Variants in MGAT5 observed in about 807,000 individuals in gnomAD.
MGAT5 encodes alpha-1,6-mannosylglycoprotein 6-beta-N-acetylglucosaminyltransferase.
Under a neutral mutation model 94.3 loss-of-function variants are expected in MGAT5, and 30 were observed. The ratio of observed to expected loss-of-function variants is 0.32; its 90% CI spans 0.24 to 0.43. MGAT5 has a LOEUF of 0.43. Among genes scored for constraint, MGAT5 ranks in the 20% least tolerant of loss-of-function variants. The pLI, the probability that MGAT5 is intolerant of heterozygous loss-of-function variation, is 1.00. For missense variants in MGAT5, 691 were observed against 905.5 expected, an observed-to-expected ratio of 0.76 and a Z score of 3.04; for synonymous variants, 310 against 322.9, an observed-to-expected ratio of 0.96 and a Z score of 0.43.
chr2:134,147,377 A>G (rs764035417), intron 1 of MGAT5, among the ~76,000 whole-genome samples: 5 of 152,218 alleles, frequency 3.3e-5, no homozygotes, highest in Non-Finnish European at 5.9e-5. Context: ...TTAAATACTT[A>G]GAAAGTTTCA....
chr2:134,390,472 T>G (rs1682335823), intron 10 of MGAT5, among the ~76,000 whole-genome samples: 1 of 152,250 alleles, frequency 6.6e-6, no homozygotes, highest in Admixed American at 6.5e-5. Flanking sequence ...TCATTTACAT[T>G]AGGTATATCT....
At chr2:134,140,400 CAGGAGATCTGGGGACTGA>C (rs1320962048) in intron 1 of MGAT5, among the ~76,000 whole-genome samples, 1 of 152,190 alleles carries the variant, frequency 6.6e-6, no homozygotes, top group Non-Finnish European at 1.5e-5. Flanking sequence ...GCTGGCAAGT[CAGGAGATCTGGGGACTGA>C]CGCTTTCCCT....
chr2:134,446,311 A>G (rs1243436080), intron 15 of MGAT5, among the ~76,000 whole-genome samples: 1 of 151,890 alleles, frequency 6.6e-6, no homozygotes, highest in Non-Finnish European at 1.5e-5. Context: ...AGGGTTTTTC[A>G]TAGCTCCTGA....
At chr2:134,235,695 G>T (rs1277708452) in intron 1 of MGAT5, among the ~76,000 whole-genome samples, 4 of 151,004 alleles carry the variant, frequency 2.6e-5, no homozygotes, top group Admixed American at 6.6e-5. Flanking sequence ...CTGTACTGCT[G>T]TAGGGATTTA....
At chr2:134,181,840 A>G (rs542642106) in intron 1 of MGAT5, among the ~76,000 whole-genome samples, 40 of 152,360 alleles carry the variant, frequency 2.6e-4, no homozygotes, top group African/African-American at 9.4e-4. Context: ...ATTCCTGTTT[A>G]GAATTGTTGG....
At chr2:134,168,158 T>C (rs1688040659) in intron 1 of MGAT5, among the ~76,000 whole-genome samples, 1 of 152,170 alleles carries the variant, frequency 6.6e-6, no homozygotes, top group Admixed American at 6.5e-5. Context: ...TTGCTAACAT[T>C]TGTGGAAGGC....
chr2:134,326,052 CT>C lies in MGAT5; in HGVS notation c.573+7329del, dbSNP rs1553446977. On this transcript the variant is annotated intron_variant, in intron 4 of 15. Coordinates refer to ENST00000281923, the MANE Select transcript of MGAT5 (RefSeq NM_002410.5). ...CTGATTTCTCTTTCTCTCTCTCTCT[CT>C]TTTTTTTTTTTTTTTGATGTTAGCA... Among the ~76,000 whole-genome samples, 519 of 135,892 alleles carry C rather than the reference CT, an allele frequency of 3.8e-3. 2 individuals are homozygous for C. The highest frequency in any genetic ancestry group is 0.013 in the African/African-American group (476 of 37,164). The allele number at this position is 135,892 out of a possible 152,430, so 89.2% of individuals were successfully genotyped here. A position where few individuals can be genotyped will look rare whatever the true frequency, so the allele number is the denominator to read the frequency against.
rs1558847379 is a variant in MGAT5, at chr2:134,387,317, TA to T, written c.1381-15670del. Reference sequence around the variant, plus strand: ...GTTATGTATGATATATATATATATATATATATATATATATATTTTTTTTTTT... The same window carrying T: ...GTTATGTATGATATATATATATATATTATATATATATATATTTTTTTTTTT... On this transcript the variant is annotated intron_variant, in intron 10 of 15. Coordinates refer to ENST00000281923, the MANE Select transcript of MGAT5 (RefSeq NM_002410.5). Among the ~76,000 whole-genome samples, 66 of 47,874 alleles carry T rather than the reference TA, an allele frequency of 1.4e-3. 1 individual carries two copies. Among genetic ancestry groups the T allele is most frequent in the South Asian group, 0.01 (10 of 970 alleles). The allele number at this position is 47,874 out of a possible 152,430, so 31.4% of individuals were successfully genotyped here. A position where few individuals can be genotyped will look rare whatever the true frequency, so the allele number is the denominator to read the frequency against.
At chr2:134,185,003 C>T (rs1477266295) in intron 1 of MGAT5, among the ~76,000 whole-genome samples, 7 of 152,028 alleles carry the variant, frequency 4.6e-5, no homozygotes, top group African/African-American at 1.7e-4. Flanking sequence ...GCACCTGTCC[C>T]TTGAGCAGTA....
intron 1 of MGAT5, among the ~76,000 whole-genome samples, chr2:134,255,055 A>G (rs908731098): frequency 5.3e-5 from 8 of 152,166 alleles, no homozygotes; most frequent in African/African-American, 1.4e-4. Context: ...GGAATGTTCT[A>G]TGGAAGCCAG....
intron 1 of MGAT5, among the ~76,000 whole-genome samples, chr2:134,255,269 A>C (rs950398766): frequency 6.6e-6 from 1 of 152,084 alleles, no homozygotes; most frequent in Non-Finnish European, 1.5e-5. Flanking sequence ...TCTTTTTGAA[A>C]TCAGAAAGAG....
At chr2:134,356,954 C>G (rs1679782617) in intron 9 of MGAT5, among the ~76,000 whole-genome samples, 1 of 152,174 alleles carries the variant, frequency 6.6e-6, no homozygotes, top group Admixed American at 6.5e-5. Context: ...TTATTTTCCT[C>G]CATGACTTTA....
At chr2:134,295,558 A>AAT (rs1248557329) in intron 2 of MGAT5, among the ~76,000 whole-genome samples, 1 of 152,172 alleles carries the variant, frequency 6.6e-6, no homozygotes, top group Non-Finnish European at 1.5e-5. Flanking sequence ...TGTCACTTTA[A>AAT]GGGTATTCAT....
At chr2:134,226,279 C>G (rs776889650) in intron 1 of MGAT5, among the ~76,000 whole-genome samples, 1 of 152,174 alleles carries the variant, frequency 6.6e-6, no homozygotes, top group Non-Finnish European at 1.5e-5. Flanking sequence ...GATTTTGGCT[C>G]TCATAATGCA....
At chr2:134,380,084 C>G (rs1681438813) in intron 10 of MGAT5, among the ~76,000 whole-genome samples, 1 of 152,152 alleles carries the variant, frequency 6.6e-6, no homozygotes, top group Non-Finnish European at 1.5e-5. Flanking sequence ...TAGTAAGTTC[C>G]CAAGAAAGGT....
chr2:134,279,421 T>C lies in MGAT5; in HGVS notation c.406+8871T>C, dbSNP rs572681202. Among the ~76,000 whole-genome samples, 215 of 152,300 alleles carry C rather than the reference T, an allele frequency of 1.4e-3. 2 individuals carry two copies. In the South Asian group the frequency reaches 0.015, roughly 11 times the overall value. On this transcript the variant is annotated intron_variant, in intron 2 of 15. Coordinates refer to ENST00000281923, the MANE Select transcript of MGAT5 (RefSeq NM_002410.5). ...TAGGATTAAAAAAATTCAGGCCACC[T>C]CCACTACCTGAGAGGTTGCTTTGAA...
chr2:134,157,099 C>G (rs1361115189), intron 1 of MGAT5, among the ~76,000 whole-genome samples: 1 of 152,168 alleles, frequency 6.6e-6, no homozygotes, highest in Non-Finnish European at 1.5e-5. Context: ...CTTACTAAGC[C>G]TCAGCATCCT....
chr2:134,137,735 GTC>G (rs1292283407), intron 1 of MGAT5, among the ~76,000 whole-genome samples: 2 of 151,782 alleles, frequency 1.3e-5, no homozygotes, highest in East Asian at 1.9e-4. Flanking sequence ...GACTAGAATA[GTC>G]TCTATTTTTT....
upstream of MGAT5, among the ~76,000 whole-genome samples, chr2:134,254,049 C>G (rs987950140): frequency 2.0e-5 from 3 of 152,212 alleles, no homozygotes; most frequent in African/African-American, 7.2e-5. Context: ...TGTTAACACA[C>G]GCAGACGCAC....
Sources: allele counts gnomAD v4.1 joint callset (sites outside exome capture counted in the v4.1 genomes callset), GRCh38; gene constraint gnomAD v4.1.1; transcripts MANE v1.5; gene names NCBI Gene and HGNC (gene_info 2026-07-23, HGNC 2026-07-21).